The following GFOD1 variants were observed in gnomAD, a reference collection of about 807,000 sequenced individuals.
The protein encoded by GFOD1 is Gfo/Idh/MocA-like oxidoreductase domain containing 1, also known as glucose-fructose oxidoreductase domain-containing protein 1.
GFOD1 carries 9 observed loss-of-function variants against 25.4 expected under a neutral mutation model. The observed-to-expected ratio is 0.35, with a 90% CI of 0.21 to 0.62. GFOD1 has a LOEUF of 0.62. GFOD1 is among the 20% of genes least tolerant of loss of function. GFOD1 has a pLI of 0.72. For synonymous variants in GFOD1, 253 were observed against 245.6 expected, an observed-to-expected ratio of 1.03 and a Z score of -0.28; for missense variants, 403 against 556.9, an observed-to-expected ratio of 0.72 and a Z score of 2.78.
intron 1 of GFOD1, among the ~76,000 whole-genome samples, chr6:13,452,368 AT>A (rs958274759): frequency 3.3e-5 from 5 of 152,228 alleles, no homozygotes; most frequent in African/African-American, 1.2e-4. Context: ...CACTTGAAGT[AT>A]TTCAGACTAA....
At chr6:13,396,647 C>G (rs1785738802) in intron 1 of GFOD1, among the ~76,000 whole-genome samples, 1 of 152,094 alleles carries the variant, frequency 6.6e-6, no homozygotes, top group Non-Finnish European at 1.5e-5. Context: ...GAGGTAAGCA[C>G]CACTCTTACA....
At chr6:13,456,168 A>G (rs1432950621) in intron 1 of GFOD1, among the ~76,000 whole-genome samples, 1 of 152,056 alleles carries the variant, frequency 6.6e-6, no homozygotes, top group Non-Finnish European at 1.5e-5. Flanking sequence ...TAAAGTTTTT[A>G]TCTTTTATTT....
intron 1 of GFOD1, among the ~76,000 whole-genome samples, chr6:13,463,682 A>G (rs62385775): frequency 0.16 from 24,227 of 152,248 alleles, 2,531 homozygotes; most frequent in Non-Finnish European, 0.23. Flanking sequence ...TCACGTGCCA[A>G]TGAAACAAGG....
chr6:13,373,387 T>G (rs1055084544), intron 1 of GFOD1, among the ~76,000 whole-genome samples: 2 of 152,214 alleles, frequency 1.3e-5, no homozygotes, highest in Admixed American at 6.5e-5. Flanking sequence ...ATGTGGAATC[T>G]GGGAAACTGC....
At chr6:13,475,028 C>T (rs1321634974) in intron 1 of GFOD1, among the ~76,000 whole-genome samples, 1 of 152,168 alleles carries the variant, frequency 6.6e-6, no homozygotes, top group Non-Finnish European at 1.5e-5. Context: ...AACTCTACGC[C>T]TTCCCCCAAG....
chr6:13,364,410 G>C lies in GFOD1; in HGVS notation c.*333C>G. The C allele has an allele frequency of 3.3e-6, 1 of 306,290 alleles. No homozygotes were observed. Among genetic ancestry groups the C allele is most frequent in the South Asian group, 5.0e-5 (1 of 19,932 alleles). The allele number at this position is 306,290 out of a possible 1,614,324, so 19.0% of individuals were successfully genotyped here. A position where few individuals can be genotyped will look rare whatever the true frequency, so the allele number is the denominator to read the frequency against. On this transcript the variant is annotated 3_prime_UTR_variant, in exon 2 of 2. Transcript: ENST00000379287. The surrounding 1 kb of genome is among the most constrained non-coding windows in gnomAD (Gnocchi z 4.1). Reference sequence around the variant, plus strand: ...AGGCCAAGGTGTGTGGGATGGATGAGGTAGGGAGGGAAGCAACCCCTCCTT... The same window carrying C: ...AGGCCAAGGTGTGTGGGATGGATGACGTAGGGAGGGAAGCAACCCCTCCTT...
At chr6:13,467,946 A>G (rs528967995) in intron 1 of GFOD1, among the ~76,000 whole-genome samples, 1 of 152,314 alleles carries the variant, frequency 6.6e-6, no homozygotes. Flanking sequence ...TGTGAAAAAC[A>G]AGTACCTGCA....
chr6:13,416,220 T>A (rs890854978), intron 1 of GFOD1, among the ~76,000 whole-genome samples: 1 of 152,182 alleles, frequency 6.6e-6, no homozygotes, highest in African/African-American at 2.4e-5. Flanking sequence ...TGAGGCCTCA[T>A]TGGCCATGAA....
chr6:13,456,279 A>G (rs1294658706), intron 1 of GFOD1, among the ~76,000 whole-genome samples: 1 of 152,020 alleles, frequency 6.6e-6, no homozygotes, highest in Non-Finnish European at 1.5e-5. Context: ...GGCTCAAGTG[A>G]TCTTCCCATC....
In GFOD1 at chr6:13,430,152, C is replaced by T. The variant is rs1471313566; in HGVS notation, c.253+56486G>A. Reference sequence around the variant, plus strand: ...AGGAATGCTTGCTTTTAAAATCCAGCCAGGCCGGGAGCAGTCGCTCATGCC... The same window carrying T: ...AGGAATGCTTGCTTTTAAAATCCAGTCAGGCCGGGAGCAGTCGCTCATGCC... On this transcript the variant is annotated intron_variant, in intron 1 of 1. Transcript: ENST00000379287. The surrounding 1 kb of genome is among the most constrained non-coding windows in gnomAD (Gnocchi z 4.1). Among the ~76,000 whole-genome samples the T allele has an allele frequency of 6.6e-6, 1 of 152,150 alleles. No individual in the cohort carries two copies. The highest frequency in any genetic ancestry group is 2.4e-5 in the African/African-American group (1 of 41,428).
rs530915498 is a variant in GFOD1, at chr6:13,403,286, C to T, written c.254-37624G>A. Among the ~76,000 whole-genome samples the T allele has an allele frequency of 9.4e-4, 143 of 152,086 alleles. 1 individual carries two copies. Among genetic ancestry groups the T allele is most frequent in the African/African-American group, 3.3e-3 (136 of 41,496 alleles). On this transcript the variant is annotated intron_variant, in intron 1 of 1. Transcript: ENST00000379287. ...GATTACAGGCATGCACCACCATGCC[C>T]GGCTAATTTTTGTATTTTTAGTAGA...
chr6:13,479,975 T>C (rs1758711581), intron 1 of GFOD1, among the ~76,000 whole-genome samples: 1 of 152,162 alleles, frequency 6.6e-6, no homozygotes, highest in Non-Finnish European at 1.5e-5. Context: ...TCCAAGTGCA[T>C]CATGAGCATT....
chr6:13,470,759 TA>T (rs1414545608), intron 1 of GFOD1: 40 of 1,282,226 alleles, frequency 3.1e-5, no homozygotes, highest in Non-Finnish European at 6.2e-6. Flanking sequence ...ACAAGTACTC[TA>T]AAATCATTAC....
intron 1 of GFOD1, among the ~76,000 whole-genome samples, chr6:13,385,898 AAAAAAGTACTCAGCACAG>A (rs971130239): frequency 2.6e-5 from 4 of 152,112 alleles, no homozygotes; most frequent in African/African-American, 9.7e-5. Context: ...TCTGCTCTAC[AAAAAAGTACTCAGCACAG>A]AAAAAGTACT....
intron 1 of GFOD1, among the ~76,000 whole-genome samples, chr6:13,381,982 C>T (rs1785374920): frequency 6.6e-6 from 1 of 151,564 alleles, no homozygotes; most frequent in South Asian, 2.1e-4. Flanking sequence ...GTAACTACCA[C>T]CAAGTACCTG....
intron 1 of GFOD1, among the ~76,000 whole-genome samples, chr6:13,401,888 T>A (rs61265438): frequency 0.03 from 4,564 of 152,276 alleles, 202 homozygotes; most frequent in African/African-American, 0.1. Context: ...AAGAATATCC[T>A]CTTTAAAAGT....
chr6:13,450,470 G>A (rs773124392), intron 1 of GFOD1, among the ~76,000 whole-genome samples: 3 of 152,156 alleles, frequency 2.0e-5, no homozygotes, highest in Non-Finnish European at 4.4e-5. Context: ...TAAGAGTTAT[G>A]ACAGTGAAAG....
chr6:13,415,069 A>G (rs1786140933), intron 1 of GFOD1, among the ~76,000 whole-genome samples: 1 of 152,222 alleles, frequency 6.6e-6, no homozygotes, highest in Non-Finnish European at 1.5e-5. Context: ...GCAGCAGGGC[A>G]CAAGCCCAAC....
At chr6:13,464,687 C>T (rs1008073917) in intron 1 of GFOD1, among the ~76,000 whole-genome samples, 4 of 152,144 alleles carry the variant, frequency 2.6e-5, no homozygotes, top group African/African-American at 9.7e-5. Context: ...TGTGCTGGGC[C>T]TCATCCAATC....
Sources: allele counts gnomAD v4.1 joint callset (sites outside exome capture counted in the v4.1 genomes callset), GRCh38; gene constraint gnomAD v4.1.1; non-coding constraint Gnocchi (gnomAD v3.1); transcripts MANE v1.5; gene names NCBI Gene and HGNC (gene_info 2026-07-23, HGNC 2026-07-21).